ADAMTS3: variants seen among roughly 807,000 people sequenced by gnomAD.
ADAMTS3 encodes the protein ADAM metallopeptidase with thrombospondin type 1 motif 3, also known as A disintegrin and metalloproteinase with thrombospondin motifs 3.
ADAMTS3 carries 73 observed loss-of-function variants against 129.0 expected under a neutral mutation model. That is an observed-to-expected ratio of 0.57 (90% CI 0.47 to 0.69). ADAMTS3 has a LOEUF of 0.69. Among genes scored for constraint, ADAMTS3 ranks in the 30% least tolerant of loss-of-function variants. The probability of loss-of-function intolerance (pLI) is 0.00; values close to 1 mark genes in which losing one functional copy is unlikely to be tolerated. For synonymous variants in ADAMTS3, 477 were observed against 510.8 expected (o/e 0.93, Z 0.89); for missense variants, 1,457 against 1,514.5 (o/e 0.96, Z 0.63).
rs188514468 is a variant in ADAMTS3 at position 72,561,170 on chromosome 4, T to C, written c.97+6204A>G. ...GTTCAGGACCAGCTGGCCAAGATGG[T>C]GAAACTCGTCTCTACCAAAAATACA... On this transcript the variant is annotated intron_variant, in intron 2 of 21. Coordinates refer to ENST00000286657, the MANE Select transcript of ADAMTS3 (RefSeq NM_014243.3). Among the ~76,000 whole-genome samples the C allele has an allele frequency of 2.6e-5, 4 of 152,104 alleles. No individual in the cohort carries two copies. In the East Asian group the frequency reaches 5.8e-4, roughly 22 times the overall value.
intron 4 of ADAMTS3, among the ~76,000 whole-genome samples, chr4:72,400,299 GTGTATATA>G: frequency 6.8e-6 from 1 of 147,576 alleles, no homozygotes; most frequent in African/African-American, 2.5e-5. Flanking sequence ...GTATATACGT[GTGTATATA>G]TGCACACATG....
chr4:72,289,492 A>G (rs761934742), intron 20 of ADAMTS3, among the ~76,000 whole-genome samples: 2 of 152,192 alleles, frequency 1.3e-5, no homozygotes, highest in Non-Finnish European at 2.9e-5. Context: ...AGTTCCATGT[A>G]ATGGCCCTAG....
chr4:72,471,682 G>A (rs13102917), intron 3 of ADAMTS3, among the ~76,000 whole-genome samples: 38,019 of 151,680 alleles, frequency 0.25, 5,130 homozygotes, highest in East Asian at 0.45. Context: ...TAAAAACAAT[G>A]CCATCTTCCT....
intron 3 of ADAMTS3, among the ~76,000 whole-genome samples, chr4:72,480,723 AG>A (rs1719411331): frequency 6.6e-6 from 1 of 151,082 alleles, no homozygotes; most frequent in Non-Finnish European, 1.5e-5. Context: ...AAATAAAAAA[AG>A]AGAAACAAGA....
intron 3 of ADAMTS3, among the ~76,000 whole-genome samples, chr4:72,515,257 C>A (rs954017947): frequency 6.6e-6 from 1 of 151,748 alleles, no homozygotes; most frequent in African/African-American, 2.4e-5. Flanking sequence ...TGGGTTGGTT[C>A]CAAGTCTTTG....
chr4:72,419,475 G>A (rs1427188062), intron 3 of ADAMTS3, among the ~76,000 whole-genome samples: 3 of 152,176 alleles, frequency 2.0e-5, no homozygotes, highest in Non-Finnish European at 4.4e-5. Flanking sequence ...GGAATTAGAG[G>A]TGAGGCCGTT....
intron 17 of ADAMTS3, among the ~76,000 whole-genome samples, chr4:72,302,073 G>A (rs1718964153): frequency 6.6e-6 from 1 of 151,978 alleles, no homozygotes; most frequent in South Asian, 2.1e-4. Context: ...CTGTAAGGAA[G>A]AATAAAACTA....
chr4:72,324,642 T>C (rs1433586118), intron 5 of ADAMTS3, among the ~76,000 whole-genome samples: 1 of 152,252 alleles, frequency 6.6e-6, no homozygotes, highest in East Asian at 1.9e-4. Context: ...CTGTACGAGA[T>C]AAGCCAAGCT....
At chr4:72,415,677 C>T (rs1309232186) in intron 3 of ADAMTS3, among the ~76,000 whole-genome samples, 2 of 151,946 alleles carry the variant, frequency 1.3e-5, no homozygotes, top group African/African-American at 2.4e-5. Flanking sequence ...CCTTCCATCT[C>T]TCTATTTATT....
intron 3 of ADAMTS3, among the ~76,000 whole-genome samples, chr4:72,431,467 A>G (rs931959098): frequency 1.3e-5 from 2 of 151,954 alleles, no homozygotes; most frequent in African/African-American, 4.8e-5. Flanking sequence ...CCACAAGTAA[A>G]AAGTTCTACA....
At position 72,304,073 on chromosome 4, in the gene ADAMTS3, C is replaced by T; in HGVS notation, c.2268G>A (p.Lys756=). The T allele has an allele frequency of 6.2e-7, 1 of 1,613,094 alleles. No homozygotes were observed. Among genetic ancestry groups the T allele is most frequent in the Non-Finnish European group, 8.5e-7 (1 of 1,179,442 alleles). ...AAATATAATGGCCTGTAGCCTGGTT[C>T]TTAATAGCTAAAGGGAGAAAAATGA... The part of the protein sequence containing the change: ...DEASPHILAI[K]NQATGHYILN... The change falls in exon 17 of 22, where the codon AAG becomes AAA. Residue 756 remains lysine (K), a synonymous_variant. Transcript: ENST00000286657.
chr4:72,305,417 A>C (rs1036642036), intron 16 of ADAMTS3, among the ~76,000 whole-genome samples: 1 of 152,098 alleles, frequency 6.6e-6, no homozygotes, highest in African/African-American at 2.4e-5. Context: ...TATTGGATCA[A>C]TCAAAATATC....
intron 3 of ADAMTS3, among the ~76,000 whole-genome samples, chr4:72,515,780 G>C (rs1208362079): frequency 1.3e-5 from 2 of 151,846 alleles, no homozygotes; most frequent in East Asian, 1.9e-4. Flanking sequence ...CTCCCATTTT[G>C]TAGGTTGCCT....
chr4:72,460,462 T>C (rs908990938), intron 3 of ADAMTS3, among the ~76,000 whole-genome samples: 1 of 151,184 alleles, frequency 6.6e-6, no homozygotes, highest in African/African-American at 2.4e-5. Flanking sequence ...ATATGCACAT[T>C]TAAAAAACTA....
intron 3 of ADAMTS3, among the ~76,000 whole-genome samples, chr4:72,427,842 G>A (rs1335269307): frequency 6.6e-6 from 1 of 151,938 alleles, no homozygotes; most frequent in Admixed American, 6.6e-5. Flanking sequence ...TATGTTACAT[G>A]CCTATTGTAG....
intron 10 of ADAMTS3, among the ~76,000 whole-genome samples, chr4:72,317,627 A>G (rs1431810500): frequency 1.3e-5 from 2 of 152,164 alleles, no homozygotes; most frequent in Non-Finnish European, 1.5e-5. Context: ...TATATTATCA[A>G]ATTTAATCCT....
intron 4 of ADAMTS3, among the ~76,000 whole-genome samples, chr4:72,339,933 C>T (rs561311730): frequency 4.3e-4 from 65 of 152,188 alleles, no homozygotes; most frequent in African/African-American, 1.5e-3. Flanking sequence ...GGGAGCGGTG[C>T]CATCATGGCA....
intron 5 of ADAMTS3, among the ~76,000 whole-genome samples, chr4:72,335,944 C>T (rs2109827585): frequency 6.6e-6 from 1 of 152,210 alleles, no homozygotes; most frequent in African/African-American, 2.4e-5. Context: ...AATATACGAG[C>T]TCTTTTCAAT....
intron 4 of ADAMTS3, among the ~76,000 whole-genome samples, chr4:72,341,322 A>G (rs1344166596): frequency 6.6e-6 from 1 of 152,190 alleles, no homozygotes; most frequent in Non-Finnish European, 1.5e-5. Context: ...CCCAACTGCT[A>G]GCTCATTAGC....
Sources: gnomAD v4.1 joint callset for allele counts (sites outside exome capture counted in the v4.1 genomes callset) on GRCh38, gnomAD v4.1.1 for gene constraint, MANE v1.5 for transcripts, NCBI Gene and HGNC (gene_info 2026-07-23, HGNC 2026-07-21) for gene names.